The following MEIS3 variants were observed in gnomAD, a reference collection of about 807,000 sequenced individuals.
MEIS3 encodes the protein Meis homeobox 3.
A neutral mutation model predicts 51.4 loss-of-function variants in MEIS3; 38 were observed. The observed-to-expected ratio is 0.74, with a 90% CI of 0.57 to 0.97. The LOEUF (loss-of-function observed/expected upper bound fraction) is 0.97. MEIS3 is among the 50% of genes least tolerant of loss of function. The pLI, the probability that MEIS3 is intolerant of heterozygous loss-of-function variation, is 0.00. For synonymous variants in MEIS3, 198 were observed against 201.8 expected (o/e 0.98, Z 0.16); for missense variants, 456 against 502.6 (o/e 0.91, Z 0.89).
intron 9 of MEIS3, 82 bp downstream of exon 9, chr19:47,407,270 G>A: frequency 1.3e-6 from 2 of 1,525,608 alleles, no homozygotes; most frequent in Non-Finnish European, 1.8e-6. Context: ...GGCTCTGCGG[G>A]GCTCGGGGCC....
Position 47,419,143 on chromosome 19 carries a change from C to T in MEIS3, c.-62G>A. The T allele has an allele frequency of 2.5e-6, 3 of 1,207,378 alleles. No homozygotes were observed. Among genetic ancestry groups the T allele is most frequent in the African/African-American group, 1.6e-5 (1 of 63,904 alleles). The allele number at this position is 1,207,378 out of a possible 1,614,324, so 74.8% of individuals were successfully genotyped here. ...AGCCTGGCCGCGGGGGAGGGCGCAG[C>T]CCGGGGCCGCAGCCCCTGACGGCCC... On this transcript the variant is annotated 5_prime_UTR_variant, in exon 1 of 13. Transcript: ENST00000558555.
chr19:47,406,951 G>C lies in MEIS3; in HGVS notation c.1015C>G (p.Pro339Ala). Reference protein sequence around the residue: ...NRTGQGAAFSPEGQPIGGYTE... With the variant: ...NRTGQGAAFSAEGQPIGGYTE... ...TAGCCCCCGATGGGCTGGCCCTCTGGGCTGAAGGCTGCACCCTGCCCTGCG... is the reference window on the plus strand; with the variant it reads ...TAGCCCCCGATGGGCTGGCCCTCTGCGCTGAAGGCTGCACCCTGCCCTGCG... Residue 339 changes from proline (P) to alanine (A), a missense_variant, in exon 11 of 13, where the codon CCA becomes GCA. Physicochemically the swap from Pro to Ala is conservative, Grantham distance 27. Coordinates refer to ENST00000558555, the MANE Select transcript of MEIS3 (RefSeq NM_001301059.2). 6.3e-7 allele frequency: 1 copy of C among 1,577,276 alleles called. No homozygotes were observed. The highest frequency in any genetic ancestry group is 8.6e-7 in the Non-Finnish European group (1 of 1,162,360).
At chr19:47,417,954 G>A (rs988266088) in intron 1 of MEIS3, 10 of 517,826 alleles carry the variant, frequency 1.9e-5, no homozygotes, top group Admixed American at 1.8e-4. Flanking sequence ...CATGCACACA[G>A]CCCAACACCA....
rs1971615782 is a variant in MEIS3, at chr19:47,419,297, G to C, written c.-216C>G. ...ACCCCGGCCCCCGCCCCCAGCGGGG[G>C]TCACGGCCAGGAGCGCATCGCCGCC... On this transcript the variant is annotated 5_prime_UTR_variant, in exon 1 of 13. Transcript: ENST00000558555. 2 of 226,098 alleles carry C rather than the reference G, an allele frequency of 8.8e-6. No homozygotes were observed. Among genetic ancestry groups the C allele is most frequent in the Admixed American group, 5.8e-5 (1 of 17,232 alleles). The allele number at this position is 226,098 out of a possible 1,614,324, so 14.0% of individuals were successfully genotyped here.
chr19:47,414,919 G>T, intron 5 of MEIS3, 53 bp from the exon 6 acceptor site: 4 of 1,246,760 alleles, frequency 3.2e-6, no homozygotes, highest in Non-Finnish European at 4.6e-6. Flanking sequence ...CAGGGCGGGG[G>T]TGCTCAGGGA....
At chr19:47,414,547 G>A (rs1403082143) in intron 6 of MEIS3, among the ~76,000 whole-genome samples, 170 bp downstream of exon 6, 8 of 152,160 alleles carry the variant, frequency 5.3e-5, no homozygotes, top group Non-Finnish European at 1.2e-4. Context: ...AGCCGCATCC[G>A]AGTCTGCGTA....
At position 47,409,214 on chromosome 19, in the gene MEIS3, C is replaced by A; in HGVS notation, c.743G>T (p.Ser248Ile). ...DGLDTSVASP[S>I]SGGEDEDLDQ... ...CAAGTCCTCATCTTCTCCACCAGAACTGGGAGAGGCCACGCTGGTGTCCAG... is the reference window on the plus strand; with the variant it reads ...CAAGTCCTCATCTTCTCCACCAGAAATGGGAGAGGCCACGCTGGTGTCCAG... The change falls in exon 8 of 13, where the codon AGT becomes ATT. Residue 248 changes from serine (S) to isoleucine (I), a missense_variant. Ser to Ile is a moderately radical substitution (Grantham distance 142, BLOSUM62 -2). Coordinates refer to ENST00000558555, the MANE Select transcript of MEIS3 (RefSeq NM_001301059.2). The A allele has an allele frequency of 6.2e-7, 1 of 1,613,400 alleles. No individual in the cohort carries two copies. The highest frequency in any genetic ancestry group is 8.5e-7 in the Non-Finnish European group (1 of 1,179,956).
upstream of MEIS3, among the ~76,000 whole-genome samples, chr19:47,420,938 A>ACTCTCTCTCTCT (rs1282443244): frequency 1.7e-4 from 14 of 83,612 alleles, no homozygotes; most frequent in Admixed American, 7.9e-4. Flanking sequence ...ACACACACAC[A>ACTCTCTCTCTCT]CACTCTCTCT....
chr19:47,417,737 A>G, intron 1 of MEIS3: 1 of 687,862 alleles, frequency 1.5e-6, no homozygotes, highest in South Asian at 1.5e-5. Context: ...TGTTGTACAC[A>G]AAGTACACAT....
chr19:47,413,730 CTT>C (rs112493679), intron 6 of MEIS3, among the ~76,000 whole-genome samples: 17 of 139,288 alleles, frequency 1.2e-4, no homozygotes, highest in Admixed American at 2.2e-4. Context: ...GGGTTTGATT[CTT>C]TTTTTTTTTT....
chr19:47,417,297 A>G lies in MEIS3; in HGVS notation c.66T>C (p.Ala22=), dbSNP rs750774104. ...PGIVDGPAAL[A]SFPETVPAVP... The stretch of plus-strand genomic sequence containing the variant: ...CTGCGGGCACTGTCTCTGGGAAGCT[A>G]GCCAGGGCTGCGGGGCCATCCACGA... Residue 22 remains alanine, a synonymous_variant, in exon 2 of 13, where the codon GCT becomes GCC. Transcript: ENST00000558555. The G allele has an allele frequency of 6.2e-7, 1 of 1,613,734 alleles. No homozygotes were observed. Among genetic ancestry groups the G allele is most frequent in the Admixed American group, 1.7e-5 (1 of 59,972 alleles).
At chr19:47,418,013 A>G (rs1971546304) in intron 1 of MEIS3, 1 of 403,578 alleles carries the variant, frequency 2.5e-6, no homozygotes, top group Non-Finnish European at 4.4e-6. Context: ...TGGATGAATG[A>G]ATGAATGAGG....
intron 4 of MEIS3, 32 bp downstream of exon 4, chr19:47,416,619 AG>A: frequency 6.8e-7 from 1 of 1,474,502 alleles, no homozygotes; most frequent in South Asian, 1.3e-5. Flanking sequence ...GACCCATTGG[AG>A]GAGGGGGTGT....
chr19:47,416,950 G>A lies in MEIS3; in HGVS notation c.199C>T (p.Pro67Ser), dbSNP rs1599826535. 5 of 1,589,778 alleles carry A rather than the reference G, an allele frequency of 3.1e-6. No homozygotes were observed. Among genetic ancestry groups the A allele is most frequent in the Non-Finnish European group, 4.3e-6 (5 of 1,167,898 alleles). Residue 67 changes from proline (P) to serine (S), a missense_variant, in exon 3 of 13, where the codon CCC (proline) becomes TCC (serine). Coordinates refer to ENST00000558555, the MANE Select transcript of MEIS3 (RefSeq NM_001301059.2). ...KDEIYGHPLF[P>S]LLALVFEKCE... ...TTCTCAAAGACCAGGGCCAAGAGGG[G>A]GAAGAGCGGGTGTCTGGGGAGGCAG...
intron 7 of MEIS3, 64 bp from the exon 8 acceptor site, chr19:47,409,311 A>G (rs1481908338): frequency 3.8e-6 from 6 of 1,585,074 alleles, no homozygotes; most frequent in Non-Finnish European, 5.1e-6. Flanking sequence ...AGGGCCCCAG[A>G]ACTCTCCCCC....
At position 47,415,711 on chromosome 19, in the gene MEIS3, C is replaced by T. The variant is rs146031106; in HGVS notation, c.397-610G>A. On this transcript the variant is annotated intron_variant, in intron 4 of 12. Coordinates refer to ENST00000558555, the MANE Select transcript of MEIS3 (RefSeq NM_001301059.2). ...GCCTCAGCCTCCTGAGTAGCTGGGA[C>T]TACAGGCGTGCACCACTGTGCCCAG... Among the ~76,000 whole-genome samples the T allele has an allele frequency of 7.3e-3, 1,111 of 151,364 alleles. 7 individuals carry two copies. The highest frequency in any genetic ancestry group is 0.011 in the Non-Finnish European group (723 of 67,882).
At position 47,414,746 on chromosome 19, in the gene MEIS3, G is replaced by T; in HGVS notation, c.568C>A (p.Pro190Thr). 2 of 1,610,648 alleles carry T rather than the reference G, an allele frequency of 1.2e-6. No homozygotes were observed. The highest frequency in any genetic ancestry group is 1.7e-4 in the Middle Eastern group (1 of 5,902). ...TCTGGGAGGCTGGGGCAGGAGGCTG[G>T]GTAGTCCTCGAAGTCCTCCCTGCAG... Reference protein sequence around the residue: ...GGCREDFEDYPASCPSLPDQN... With the variant: ...GGCREDFEDYTASCPSLPDQN... Residue 190 changes from proline to threonine, a missense_variant, in exon 6 of 13, where the codon CCA becomes ACA. By Grantham distance (38) the Pro-to-Thr change is conservative (BLOSUM62 -1). Transcript: ENST00000558555.
chr19:47,419,173 T>A lies in MEIS3; in HGVS notation c.-92A>T. The stretch of plus-strand genomic sequence containing the variant: ...GGCCGCAGCCCCTGACGGCCCGCGG[T>A]GTTGACGCCAGGGGGTGGGCAGGAG... On this transcript the variant is annotated 5_prime_UTR_variant, in exon 1 of 13. Coordinates refer to ENST00000558555, the MANE Select transcript of MEIS3 (RefSeq NM_001301059.2). 1.1e-6 allele frequency: 1 copy of A among 950,698 alleles called. No individual in the cohort carries two copies. The highest frequency in any genetic ancestry group is 1.4e-6 in the Non-Finnish European group (1 of 733,778). The allele number at this position is 950,698 out of a possible 1,614,324, so 58.9% of individuals were successfully genotyped here.
Position 47,415,049 on chromosome 19 carries a change from A to G in MEIS3, c.447+2T>C. Reference sequence around the variant, plus strand: ...GGGTGTGGGGAGGTGAGACGCGCTCACCTTCTCCAGCTCCAGCAGGTGGAA... The same window carrying G: ...GGGTGTGGGGAGGTGAGACGCGCTCGCCTTCTCCAGCTCCAGCAGGTGGAA... On this transcript the variant is annotated splice_donor_variant, in intron 5 of 12. Transcript: ENST00000558555. LOFTEE classifies it high-confidence loss of function. 1 of 1,514,712 alleles carries G rather than the reference A, an allele frequency of 6.6e-7. No individual in the cohort carries two copies. Among genetic ancestry groups the G allele is most frequent in the Non-Finnish European group, 8.9e-7 (1 of 1,129,410 alleles). 93.8% of individuals were successfully genotyped at this position (1,514,712 alleles called of 1,614,324 possible). A position where few individuals can be genotyped will look rare whatever the true frequency, so the allele number is the denominator to read the frequency against.
Sources: allele counts gnomAD v4.1 joint callset (sites outside exome capture counted in the v4.1 genomes callset), GRCh38; gene constraint gnomAD v4.1.1; transcripts MANE v1.5; gene names NCBI Gene and HGNC (gene_info 2026-07-23, HGNC 2026-07-21).